The following TMEM108 variants were observed in gnomAD, a reference collection of about 807,000 sequenced individuals.
The protein encoded by TMEM108 is cancer/testis antigen 124.
A neutral mutation model predicts 35.1 loss-of-function variants in TMEM108; 12 were observed. The observed-to-expected ratio is 0.34, with a 90% CI of 0.22 to 0.55. The LOEUF (loss-of-function observed/expected upper bound fraction) is 0.55. TMEM108 is among the 20% of genes least tolerant of loss of function. The probability of loss-of-function intolerance (pLI) is 0.89; values close to 1 mark genes in which losing one functional copy is unlikely to be tolerated. For synonymous variants in TMEM108, 287 were observed against 308.6 expected (o/e 0.93, Z 0.73); for missense variants, 680 against 753.3 (o/e 0.90, Z 1.14).
intron 3 of TMEM108, among the ~76,000 whole-genome samples, chr3:133,313,018 A>G (rs1002860348): frequency 6.6e-6 from 1 of 152,124 alleles, no homozygotes; most frequent in African/African-American, 2.4e-5. Flanking sequence ...ATCAATCAGT[A>G]TGTGCTTTAT....
chr3:133,304,662 T>C (rs943847186), intron 3 of TMEM108, among the ~76,000 whole-genome samples: 4 of 152,216 alleles, frequency 2.6e-5, no homozygotes, highest in Non-Finnish European at 5.9e-5. Flanking sequence ...ATTCATGTTA[T>C]AGCCTGTATC....
At chr3:133,309,726 A>T (rs1576447544) in intron 3 of TMEM108, among the ~76,000 whole-genome samples, 1 of 89,476 alleles carries the variant, frequency 1.1e-5, no homozygotes, top group African/African-American at 4.2e-5. Context: ...TTTGAGACGG[A>T]GTCTCGCTCT....
intron 3 of TMEM108, among the ~76,000 whole-genome samples, chr3:133,332,965 C>T (rs2071415599): frequency 6.6e-6 from 1 of 152,188 alleles, no homozygotes; most frequent in African/African-American, 2.4e-5. Flanking sequence ...CATGAATCCA[C>T]CATGACCCCA....
intron 3 of TMEM108, among the ~76,000 whole-genome samples, chr3:133,358,600 G>C (rs1288484118): frequency 1.3e-5 from 2 of 152,166 alleles, no homozygotes; most frequent in African/African-American, 4.8e-5. Context: ...GACTCTCTGG[G>C]CATAAAGGGG....
chr3:133,288,452 A>G (rs1179218358), intron 3 of TMEM108, among the ~76,000 whole-genome samples: 1 of 152,210 alleles, frequency 6.6e-6, no homozygotes, highest in Admixed American at 6.5e-5. Context: ...CCTTTAGAAC[A>G]TAATGTGTTC....
intron 3 of TMEM108, among the ~76,000 whole-genome samples, chr3:133,350,512 C>T (rs2071961290): frequency 6.6e-6 from 1 of 152,058 alleles, no homozygotes; most frequent in Admixed American, 6.5e-5. Context: ...GATCATTATA[C>T]AATGTAGATA....
intron 2 of TMEM108, among the ~76,000 whole-genome samples, chr3:133,210,410 C>T (rs1038147636): frequency 6.6e-6 from 1 of 152,120 alleles, no homozygotes; most frequent in Admixed American, 6.5e-5. Context: ...TTTTGGATTC[C>T]AAGACTTGCT....
chr3:133,148,765 G>A (rs558268845), intron 2 of TMEM108, among the ~76,000 whole-genome samples: 20 of 152,274 alleles, frequency 1.3e-4, no homozygotes, highest in Admixed American at 6.5e-4. Flanking sequence ...GGAGGCTGAG[G>A]TGGGAGGATC....
At chr3:133,287,088 C>T (rs1946996224) in intron 3 of TMEM108, among the ~76,000 whole-genome samples, 2 of 152,138 alleles carry the variant, frequency 1.3e-5, no homozygotes, top group South Asian at 4.1e-4. Flanking sequence ...GCTCAGGTCC[C>T]TCAAAGACCT....
chr3:133,289,185 A>T (rs751101201), intron 3 of TMEM108, among the ~76,000 whole-genome samples: 11 of 152,102 alleles, frequency 7.2e-5, no homozygotes, highest in Non-Finnish European at 1.3e-4. Context: ...GGGCTTGGGG[A>T]TGGGATTTGG....
intron 2 of TMEM108, among the ~76,000 whole-genome samples, chr3:133,185,784 C>CTTTTCTT (rs1441056931): frequency 7.9e-6 from 1 of 127,094 alleles, no homozygotes; most frequent in Non-Finnish European, 1.6e-5. Flanking sequence ...CTTTTCTTTT[C>CTTTTCTT]TTTTTTTTTT....
chr3:133,062,955 A>G (rs1943553185), intron 2 of TMEM108, among the ~76,000 whole-genome samples: 3 of 152,204 alleles, frequency 2.0e-5, no homozygotes, highest in African/African-American at 7.2e-5. Flanking sequence ...AGTGGTTATG[A>G]CAATTGACTG....
chr3:133,267,333 C>G (rs1175233208), intron 3 of TMEM108, among the ~76,000 whole-genome samples: 1 of 151,998 alleles, frequency 6.6e-6, no homozygotes, highest in African/African-American at 2.4e-5. Flanking sequence ...GGAGACATGC[C>G]CAGGGCATCA....
At chr3:133,324,359 G>A (rs910875835) in intron 3 of TMEM108, among the ~76,000 whole-genome samples, 3 of 152,034 alleles carry the variant, frequency 2.0e-5, no homozygotes, top group African/African-American at 7.2e-5. Context: ...GTGGGCAAAG[G>A]ACATGAATAG....
At chr3:133,387,235 T>C in intron 4 of TMEM108, 1 of 985,498 alleles carries the variant, frequency 1.0e-6, no homozygotes. Context: ...TTTGCATCCA[T>C]GATCTCTTTA....
At chr3:133,289,485 A>G (rs1181520891) in intron 3 of TMEM108, among the ~76,000 whole-genome samples, 3 of 152,174 alleles carry the variant, frequency 2.0e-5, no homozygotes, top group Non-Finnish European at 2.9e-5. Context: ...GCTCAAATTC[A>G]CAGTTTCCAC....
chr3:133,193,394 G>A (rs1945528567), intron 2 of TMEM108, among the ~76,000 whole-genome samples: 1 of 152,124 alleles, frequency 6.6e-6, no homozygotes, highest in Non-Finnish European at 1.5e-5. Flanking sequence ...CATTTGGTAG[G>A]TTTGGGTTTT....
intron 3 of TMEM108, among the ~76,000 whole-genome samples, chr3:133,275,743 C>G (rs1946830063): frequency 6.6e-6 from 1 of 152,086 alleles, no homozygotes; most frequent in African/African-American, 2.4e-5. Context: ...TATGACAATA[C>G]ACACTGAGAT....
intron 3 of TMEM108, among the ~76,000 whole-genome samples, chr3:133,237,312 G>T (rs1246781408): frequency 6.6e-6 from 1 of 152,006 alleles, no homozygotes; most frequent in Non-Finnish European, 1.5e-5. Context: ...TTGGATACTA[G>T]CAATACTAGC....
Sources: allele counts gnomAD v4.1 joint callset (sites outside exome capture counted in the v4.1 genomes callset), GRCh38; gene constraint gnomAD v4.1.1; transcripts MANE v1.5; gene names NCBI Gene and HGNC (gene_info 2026-07-23, HGNC 2026-07-21).